Variants in DNAH17 observed in about 807,000 individuals in gnomAD.
The protein encoded by DNAH17 is axonemal beta dynein heavy chain 17.
A neutral mutation model predicts 485.6 loss-of-function variants in DNAH17; 376 were observed. The observed-to-expected ratio is 0.77, with a 90% CI of 0.71 to 0.84. The LOEUF is 0.84. Ranked by LOEUF, DNAH17 falls within the 40% of genes least tolerant of loss-of-function variation. The pLI is 0.00. For synonymous variants in DNAH17, 3,031 were observed against 2,405.9 expected (o/e 1.26, Z -7.60); for missense variants, 6,370 against 5,839.3 (o/e 1.09, Z -2.96).
In DNAH17 at chr17:78,556,677, C is replaced by T. The variant is rs1472566205; in HGVS notation, c.2178+1431G>A. On this transcript the variant is annotated intron_variant, in intron 14 of 80. Transcript: ENST00000389840. ...GACTGCCCGCTGAGCCCCACAGCCA[C>T]GCTCTCCGGGCCCCTCCTGATTGTA... Among the ~76,000 whole-genome samples the T allele has an allele frequency of 2.6e-5, 4 of 152,200 alleles. No homozygotes were observed. The East Asian group carries it at 7.7e-4, about 29-fold the overall frequency.
Position 78,451,525 on chromosome 17 carries a change from C to T in DNAH17, c.10678G>A (p.Asp3560Asn), listed in dbSNP as rs2087553173. The change falls in exon 66 of 81, where the codon GAC becomes AAC. Residue 3560 changes from aspartate (D) to asparagine (N), a missense_variant. Coordinates refer to ENST00000389840, the MANE Select transcript of DNAH17 (RefSeq NM_173628.4). ...NFLVTRDGLE[D>N]QLLAAVVAKE... ...GCCACCACAGCGGCCAAGAGTTGGT[C>T]CTCGAGTCCATCCCTGGTGACCAGG... 1.9e-6 allele frequency: 3 copies of T among 1,613,708 alleles called. No homozygotes were observed. The highest frequency in any genetic ancestry group is 2.2e-5 in the South Asian group (2 of 91,080).
chr17:78,565,822 T>A (rs922118033), intron 11 of DNAH17, among the ~76,000 whole-genome samples: 1 of 152,062 alleles, frequency 6.6e-6, no homozygotes, highest in Non-Finnish European at 1.5e-5. Flanking sequence ...TGGTGGCGTA[T>A]GCCTATAATT....
chr17:78,569,446 C>A lies in DNAH17; in HGVS notation c.1126G>T (p.Ala376Ser), dbSNP rs767991555. Residue 376 changes from alanine (A) to serine (S), a missense_variant, in exon 8 of 81, where the codon GCT (alanine) becomes TCT (serine). Physicochemically the swap from Ala to Ser is moderately conservative, Grantham distance 99 (BLOSUM62 1). Transcript: ENST00000389840. ...TAGAGCTCCTTCAGCACATTTACAG[C>A]CAGGGAGATGCCACTCAGGACTTCC... ...IEEVLSGISL[A>S]VNVLKELYQT... is the part of the protein sequence containing the mutation. The A allele has an allele frequency of 1.1e-5, 17 of 1,612,034 alleles. No individual in the cohort carries two copies. The African/African-American group carries it at 2.0e-4, about 19-fold the overall frequency.
chr17:78,515,771 G>C (rs1394676664), intron 25 of DNAH17, among the ~76,000 whole-genome samples: 1 of 152,202 alleles, frequency 6.6e-6, no homozygotes, highest in Non-Finnish European at 1.5e-5. Context: ...TAGCTTCCCA[G>C]GAAACAACTG....
intron 77 of DNAH17, among the ~76,000 whole-genome samples, chr17:78,427,524 T>C (rs2146411908): frequency 6.6e-6 from 1 of 152,364 alleles, no homozygotes; most frequent in South Asian, 2.1e-4. Flanking sequence ...AGTGGTCACC[T>C]GCACCACCGT....
intron 61 of DNAH17, 55 bp downstream of exon 61, chr17:78,458,946 A>C (rs2087945729): frequency 6.4e-7 from 1 of 1,572,094 alleles, no homozygotes; most frequent in Admixed American, 1.7e-5. Flanking sequence ...ATTGACTGGC[A>C]GCGCGAGCAA....
chr17:78,492,378 C>T (rs1448338066), intron 42 of DNAH17, among the ~76,000 whole-genome samples: 1 of 152,200 alleles, frequency 6.6e-6, no homozygotes, highest in Non-Finnish European at 1.5e-5. Context: ...CTCCCCTTGG[C>T]CTGCTCGGGG....
intron 54 of DNAH17, chr17:78,472,516 A>G (rs983272771): frequency 1.1e-5 from 3 of 276,494 alleles, no homozygotes; most frequent in Non-Finnish European, 2.2e-5. Context: ...ACGGCCCCTC[A>G]TTCTGCTGAC....
chr17:78,485,497 G>A (rs1293655659), intron 47 of DNAH17, 53 bp downstream of exon 47: 23 of 1,513,974 alleles, frequency 1.5e-5, no homozygotes, highest in Middle Eastern at 2.1e-4. Flanking sequence ...AGGAGGGAAC[G>A]GGGACTGGCG....
rs554008576 is a variant in DNAH17, at chr17:78,551,296, C to T, written c.2391+239G>A. The stretch of plus-strand genomic sequence containing the variant: ...CCTTGCTACTGGCACTGGCCTGGCA[C>T]AGAGGGGGCCTTGTGGAGCTCAGCA... On this transcript the variant is annotated intron_variant, in intron 16 of 80. Coordinates refer to ENST00000389840, the MANE Select transcript of DNAH17 (RefSeq NM_173628.4). Among the ~76,000 whole-genome samples, 12 of 152,336 alleles carry T rather than the reference C, an allele frequency of 7.9e-5. No individual in the cohort carries two copies. The South Asian group carries it at 1.9e-3, about 24-fold the overall frequency.
chr17:78,428,946 A>AT (rs1568037986), intron 76 of DNAH17, among the ~76,000 whole-genome samples, 175 bp downstream of exon 76: 4 of 145,668 alleles, frequency 2.7e-5, no homozygotes, highest in South Asian at 2.2e-4. Context: ...AAAAAAAAAA[A>AT]GGTTGTTTGT....
At chr17:78,569,306 T>G (rs933303274) in intron 8 of DNAH17, 54 bp from the exon 9 acceptor site, 18 of 1,599,860 alleles carry the variant, frequency 1.1e-5, no homozygotes, top group East Asian at 6.8e-5. Flanking sequence ...GTCCCAAGTT[T>G]ATCAAATATC....
intron 21 of DNAH17, among the ~76,000 whole-genome samples, chr17:78,530,032 A>G (rs2091187954): frequency 6.6e-6 from 1 of 152,186 alleles, no homozygotes; most frequent in Non-Finnish European, 1.5e-5. Context: ...ATGGCCGCCT[A>G]TAATCCCACA....
intron 75 of DNAH17, among the ~76,000 whole-genome samples, chr17:78,431,562 C>T (rs567311813): frequency 8.6e-5 from 13 of 151,958 alleles, no homozygotes; most frequent in Non-Finnish European, 1.8e-4. Flanking sequence ...GTGTTCCGTT[C>T]GCATGGGAAT....
At chr17:78,488,924 G>A (rs994935101) in intron 44 of DNAH17, among the ~76,000 whole-genome samples, 1 of 152,018 alleles carries the variant, frequency 6.6e-6, no homozygotes, top group Non-Finnish European at 1.5e-5. Context: ...CCTGGGACAG[G>A]TTCTCCCGCA....
intron 80 of DNAH17, chr17:78,424,776 C>G (rs1326836868): frequency 6.4e-6 from 1 of 155,192 alleles, no homozygotes; most frequent in South Asian, 2.0e-4. Flanking sequence ...GGTGGCATTG[C>G]TGCTCAACTC....
Position 78,425,756 on chromosome 17 carries a change from CTTTTTTTTTTTT to C in DNAH17, c.12916-197_12916-186del, listed in dbSNP as rs71160294. On this transcript the variant is annotated intron_variant, in intron 79 of 80. Transcript: ENST00000389840. ...TACCATGACGCAACTTTGGTGTCTGCTTTTTTTTTTTTTTTTTTTTTTTTTTTGAGATGAAGT... is the reference window on the plus strand; with the variant it reads ...TACCATGACGCAACTTTGGTGTCTGCTTTTTTTTTTTTTTTGAGATGAAGT... 0.71 allele frequency among the ~76,000 whole-genome samples: 85,989 copies of C among 121,042 alleles called. 30,210 individuals carry two copies. The highest frequency in any genetic ancestry group is 0.93 in the East Asian group (4,324 of 4,640). The allele number at this position is 121,042 out of a possible 152,430, so 79.4% of individuals were successfully genotyped here. A position where few individuals can be genotyped will look rare whatever the true frequency, so the allele number is the denominator to read the frequency against.
In DNAH17 at chr17:78,571,650, G is replaced by A. The variant is rs1720868995; in HGVS notation, c.672C>T (p.Pro224=). ...QALLDGLHPL[P]QVEFEFWDTR... is the part of the protein sequence containing the mutation. ...TGTCCCAGAACTCGAACTCCACTTG[G>A]GGCAGGGGGTGCAGCCCATCCAGCA... Residue 224 remains proline, a synonymous_variant, in exon 4 of 81, where the codon CCC becomes CCT. Coordinates refer to ENST00000389840, the MANE Select transcript of DNAH17 (RefSeq NM_173628.4). The A allele has an allele frequency of 6.2e-7, 1 of 1,613,886 alleles. No homozygotes were observed. The highest frequency in any genetic ancestry group is 1.3e-5 in the African/African-American group (1 of 74,934).
At chr17:78,463,385 T>C (rs374544313) in intron 56 of DNAH17, among the ~76,000 whole-genome samples, 1 of 152,252 alleles carries the variant, frequency 6.6e-6, no homozygotes, top group South Asian at 2.1e-4. Flanking sequence ...TTCACATACC[T>C]GCATATATAC....
Sources: allele counts gnomAD v4.1 joint callset (sites outside exome capture counted in the v4.1 genomes callset), GRCh38; gene constraint gnomAD v4.1.1; transcripts MANE v1.5; gene names NCBI Gene and HGNC (gene_info 2026-07-23, HGNC 2026-07-21).